ZFYVE1: variants seen among roughly 807,000 people sequenced by gnomAD.
The protein encoded by ZFYVE1 is zinc finger FYVE domain-containing protein 1.
ZFYVE1 carries 30 observed loss-of-function variants against 74.4 expected under a neutral mutation model. That is an observed-to-expected ratio of 0.40 (90% CI 0.30 to 0.55). The LOEUF (loss-of-function observed/expected upper bound fraction) is 0.55, where lower values mean the gene tolerates loss of function less well. Among genes scored for constraint, ZFYVE1 ranks in the 20% least tolerant of loss-of-function variants. The pLI is 0.42. For synonymous variants in ZFYVE1, 335 were observed against 385.1 expected (o/e 0.87, Z 1.52); for missense variants, 703 against 1,011.6 (o/e 0.69, Z 4.14).
chr14:73,002,604 A>G (rs562926276), intron 2 of ZFYVE1, among the ~76,000 whole-genome samples: 162 of 152,030 alleles, frequency 1.1e-3, no homozygotes, highest in African/African-American at 3.8e-3. Context: ...TGTCATGCCC[A>G]GCTAATTTTT....
At chr14:72,996,673 G>A (rs563136533) in intron 3 of ZFYVE1, among the ~76,000 whole-genome samples, 16 of 152,110 alleles carry the variant, frequency 1.1e-4, no homozygotes, top group Middle Eastern at 3.4e-3. Context: ...CTCAAATGTC[G>A]CCTCTTCTTT....
At chr14:72,984,724 A>G (rs909091992) in intron 4 of ZFYVE1, among the ~76,000 whole-genome samples, 2 of 152,230 alleles carry the variant, frequency 1.3e-5, no homozygotes, top group Non-Finnish European at 2.9e-5. Context: ...ACCTCTTCCA[A>G]TGAAGCCTCT....
At chr14:73,000,058 C>G (rs898922031) in intron 2 of ZFYVE1, among the ~76,000 whole-genome samples, 19 of 151,746 alleles carry the variant, frequency 1.3e-4, no homozygotes, top group African/African-American at 4.6e-4. Flanking sequence ...GAACCTGTCT[C>G]AAAAAATAAA....
chr14:72,998,413 T>G, intron 2 of ZFYVE1, 98 bp from the exon 3 acceptor site: 2 of 1,201,130 alleles, frequency 1.7e-6, no homozygotes, highest in Non-Finnish European at 1.1e-6. Context: ...GGAACTTGAT[T>G]GAATTGTCAA....
intron 4 of ZFYVE1, 28 bp from the exon 5 acceptor site, chr14:72,981,923 T>C (rs775791393): frequency 4.4e-6 from 7 of 1,607,024 alleles, no homozygotes; most frequent in East Asian, 2.2e-5. Context: ...TGACATATGA[T>C]GGCACTCAGT....
At chr14:72,992,653 TTCTC>T (rs1175059204) in intron 4 of ZFYVE1, among the ~76,000 whole-genome samples, 1 of 137,228 alleles carries the variant, frequency 7.3e-6, no homozygotes, top group Non-Finnish European at 1.5e-5. Context: ...GAGCTGTTCT[TTCTC>T]TTTCTTTTGC....
In ZFYVE1 at chr14:73,023,360, TA is replaced by T. The variant is rs1567366967; in HGVS notation, c.483+665del. On this transcript the variant is annotated intron_variant, in intron 2 of 11. Coordinates refer to ENST00000556143, the MANE Select transcript of ZFYVE1 (RefSeq NM_021260.4). ...TATGTTTTATATATAATATATATTA[TA>T]TATGTTTTATATATAATATATATAT... is the stretch of plus-strand genomic sequence containing the variant. Among the ~76,000 whole-genome samples, 31 of 53,726 alleles carry T rather than the reference TA, an allele frequency of 5.8e-4. 2 individuals are homozygous for T. The highest frequency in any genetic ancestry group is 2.2e-3 in the African/African-American group (29 of 13,090). The allele number at this position is 53,726 out of a possible 152,430, so 35.2% of individuals were successfully genotyped here.
intron 6 of ZFYVE1, 47 bp downstream of exon 6, chr14:72,978,814 G>A (rs781121455): frequency 6.6e-7 from 1 of 1,504,514 alleles, no homozygotes; most frequent in South Asian, 1.1e-5. Flanking sequence ...AAGAGAGAGT[G>A]GTCAGCAAGC....
In ZFYVE1 at chr14:72,970,572, C is replaced by T. The variant is rs527940861; in HGVS notation, c.*310G>A. 1 of 333,932 alleles carries T rather than the reference C, an allele frequency of 3.0e-6. No homozygotes were observed. Among genetic ancestry groups the T allele is most frequent in the Admixed American group, 4.6e-5 (1 of 21,948 alleles). The allele number at this position is 333,932 out of a possible 1,614,324, so 20.7% of individuals were successfully genotyped here. ...ACAGCCAGCAGCAGCCTCGATACGC[C>T]CCGAGTGCCTTTCATATGTATATAT... On this transcript the variant is annotated 3_prime_UTR_variant, in exon 12 of 12. Transcript: ENST00000556143.
intron 11 of ZFYVE1, 129 bp from the exon 12 acceptor site, chr14:72,971,243 T>A: frequency 2.1e-6 from 2 of 948,980 alleles, no homozygotes; most frequent in Non-Finnish European, 3.1e-6. Context: ...CAGAGCTTTT[T>A]AAAAATGCAG....
Position 72,975,451 on chromosome 14 carries a change from T to G in ZFYVE1, c.1806+100A>C. The G allele has an allele frequency of 6.9e-7, 1 of 1,443,984 alleles. No individual in the cohort carries two copies. The highest frequency in any genetic ancestry group is 9.3e-7 in the Non-Finnish European group (1 of 1,078,234). The allele number at this position is 1,443,984 out of a possible 1,614,324, so 89.4% of individuals were successfully genotyped here. A position where few individuals can be genotyped will look rare whatever the true frequency, so the allele number is the denominator to read the frequency against. On this transcript the variant is annotated intron_variant, in intron 9 of 11. Transcript: ENST00000556143. This position sits in a 1 kb window ranked among gnomAD's most constrained non-coding sequence, Gnocchi z 4.1. ...CAGAGCTCACTGCACTGGCAGAAAATGTTTGCGTCTCCCTCACAGAACAAG... is the reference window on the plus strand; with the variant it reads ...CAGAGCTCACTGCACTGGCAGAAAAGGTTTGCGTCTCCCTCACAGAACAAG...
chr14:73,018,670 G>A (rs751201837), intron 2 of ZFYVE1, among the ~76,000 whole-genome samples: 3 of 152,122 alleles, frequency 2.0e-5, no homozygotes, highest in Admixed American at 6.6e-5. Context: ...ACGGCTGGGC[G>A]CAGTGGCTCA....
At chr14:73,012,228 A>G (rs1371098288) in intron 2 of ZFYVE1, among the ~76,000 whole-genome samples, 1 of 152,116 alleles carries the variant, frequency 6.6e-6, no homozygotes, top group Non-Finnish European at 1.5e-5. Flanking sequence ...AGATGTAGGT[A>G]ACAGTTAACT....
intron 2 of ZFYVE1, among the ~76,000 whole-genome samples, chr14:73,018,808 G>A (rs531773753): frequency 8.2e-4 from 124 of 152,108 alleles, no homozygotes; most frequent in African/African-American, 2.8e-3. Context: ...GCCAGGCGTG[G>A]TGGCGCGCAC....
chr14:73,017,042 G>C (rs1340266917), intron 2 of ZFYVE1, among the ~76,000 whole-genome samples: 1 of 152,026 alleles, frequency 6.6e-6, no homozygotes, highest in African/African-American at 2.4e-5. Context: ...AGTAATCCCA[G>C]CAGTTTGGGA....
In ZFYVE1 at chr14:73,001,526, A is replaced by G. The variant is rs185579728; in HGVS notation, c.484-3211T>C. Among the ~76,000 whole-genome samples, 9 of 152,270 alleles carry G rather than the reference A, an allele frequency of 5.9e-5. 1 individual carries two copies. The highest frequency in any genetic ancestry group is 6.8e-3 in the Middle Eastern group (2 of 294). ...AAGATGAGAAATGCTTTTCACGATT[A>G]TAATTATAGAATTTGTAATATTCTG... is the stretch of plus-strand genomic sequence containing the variant. On this transcript the variant is annotated intron_variant, in intron 2 of 11. Coordinates refer to ENST00000556143, the MANE Select transcript of ZFYVE1 (RefSeq NM_021260.4).
At chr14:72,977,801 T>C in intron 8 of ZFYVE1, 126 bp downstream of exon 8, 4 of 1,060,598 alleles carry the variant, frequency 3.8e-6, no homozygotes, top group Non-Finnish European at 5.5e-6. Flanking sequence ...GATCATGCCT[T>C]TCTAAACCGC....
At chr14:72,986,083 T>A (rs1594839107) in intron 4 of ZFYVE1, among the ~76,000 whole-genome samples, 1 of 152,218 alleles carries the variant, frequency 6.6e-6, no homozygotes, top group African/African-American at 2.4e-5. Context: ...TAGGATCCAA[T>A]ACAGCGTAAG....
intron 2 of ZFYVE1, among the ~76,000 whole-genome samples, chr14:72,999,642 T>A (rs1422290119): frequency 6.6e-6 from 1 of 151,772 alleles, no homozygotes; most frequent in Non-Finnish European, 1.5e-5. Context: ...AAATATCTGA[T>A]AAGGAGCCAG....
Sources: gnomAD v4.1 joint callset for allele counts (sites outside exome capture counted in the v4.1 genomes callset) on GRCh38, gnomAD v4.1.1 for gene constraint, Gnocchi (gnomAD v3.1) non-coding constraint, MANE v1.5 for transcripts, NCBI Gene and HGNC (gene_info 2026-07-23, HGNC 2026-07-21) for gene names.